KIAA1549L: variants seen among roughly 807,000 people sequenced by gnomAD.
The protein encoded by KIAA1549L is KIAA1549 like, also known as UPF0606 protein KIAA1549L.
KIAA1549L carries 88 observed loss-of-function variants against 160.7 expected under a neutral mutation model. The ratio of observed to expected loss-of-function variants is 0.55; its 90% CI spans 0.46 to 0.65. The LOEUF (loss-of-function observed/expected upper bound fraction) is 0.65, where lower values mean the gene tolerates loss of function less well. KIAA1549L is among the 30% of genes least tolerant of loss of function. The probability of loss-of-function intolerance (pLI) is 0.00; values close to 1 mark genes in which losing one functional copy is unlikely to be tolerated. For missense variants in KIAA1549L, 2,258 were observed against 2,437.5 expected, an observed-to-expected ratio of 0.93 and a Z score of 1.55; for synonymous variants, 950 against 976.7, an observed-to-expected ratio of 0.97 and a Z score of 0.51.
In KIAA1549L at chr11:33,543,568, G is replaced by T. The variant is rs377701052; in HGVS notation, c.2005G>T (p.Val669Leu). 3.0e-5 allele frequency: 48 copies of T among 1,613,892 alleles called. No homozygotes were observed. Among genetic ancestry groups the T allele is most frequent in the Admixed American group, 6.7e-5 (4 of 60,008 alleles). ...SGLPASASKQ[V>L]RASPSSMDVY... ...GTTGCCAGCTTCAGCTTCCAAACAG[G>T]TGAGAGCATCGCCCTCCTCCATGGA... Residue 669 changes from valine to leucine, a missense_variant, in exon 2 of 21, where the codon GTG (valine) becomes TTG (leucine). Physicochemically the swap from Val to Leu is conservative, Grantham distance 32 (BLOSUM62 1). Around this residue, in one of 6 missense-constraint regions of KIAA1549L, gnomAD observed 287 missense variants for 292.3 expected, o/e 0.98. Coordinates refer to ENST00000658780, the MANE Select transcript of KIAA1549L (RefSeq NM_012194.3).
chr11:33,589,882 A>G (rs908360786), intron 11 of KIAA1549L, among the ~76,000 whole-genome samples: 3 of 152,206 alleles, frequency 2.0e-5, no homozygotes, highest in Non-Finnish European at 4.4e-5. Flanking sequence ...TGTTTTGCAC[A>G]TGTACCCTAA....
intron 1 of KIAA1549L, among the ~76,000 whole-genome samples, chr11:33,535,580 G>A (rs1309817191): frequency 6.6e-6 from 1 of 152,112 alleles, no homozygotes; most frequent in Non-Finnish European, 1.5e-5. Flanking sequence ...GCTGAGCTGA[G>A]AGGAACCCTT....
intron 1 of KIAA1549L, among the ~76,000 whole-genome samples, chr11:33,495,994 G>T (rs1350052927): frequency 6.6e-6 from 1 of 152,096 alleles, no homozygotes; most frequent in Non-Finnish European, 1.5e-5. Flanking sequence ...ATGGAGTCTT[G>T]CTCTGTCGCC....
chr11:33,413,458 A>G (rs1397324845), intron 1 of KIAA1549L, among the ~76,000 whole-genome samples: 1 of 150,712 alleles, frequency 6.6e-6, no homozygotes, highest in Non-Finnish European at 1.5e-5. Flanking sequence ...AAAAAAAGCA[A>G]TACGTCTTAA....
chr11:33,572,712 A>G (rs1458180022), intron 9 of KIAA1549L, among the ~76,000 whole-genome samples: 4 of 152,214 alleles, frequency 2.6e-5, no homozygotes, highest in African/African-American at 4.8e-5. Context: ...TTCTGTTGGT[A>G]TACACCTGGG....
intron 13 of KIAA1549L, among the ~76,000 whole-genome samples, chr11:33,600,547 C>T (rs1000096514): frequency 3.3e-5 from 5 of 150,776 alleles, no homozygotes; most frequent in Admixed American, 2.0e-4. Context: ...CCCTCCCCTC[C>T]CCCTCCTTCC....
At chr11:33,417,118 A>G (rs921994827) in intron 1 of KIAA1549L, among the ~76,000 whole-genome samples, 1 of 152,262 alleles carries the variant, frequency 6.6e-6, no homozygotes, top group African/African-American at 2.4e-5. Flanking sequence ...CAACTGAGAA[A>G]TTAAATTTTA....
intron 16 of KIAA1549L, among the ~76,000 whole-genome samples, chr11:33,645,422 G>A (rs979606819): frequency 6.6e-6 from 1 of 152,244 alleles, no homozygotes; most frequent in East Asian, 1.9e-4. Flanking sequence ...TCTCGAGTCT[G>A]TTACACTAAC....
chr11:33,543,434 C>A lies in KIAA1549L; in HGVS notation c.1871C>A (p.Pro624Gln), dbSNP rs755125693. ...APRTNPLPSG[P>Q]PLPSILSIQA... ...AGGACGAATCCCCTTCCTTCAGGAC[C>A]ACCTCTACCTTCCATACTCTCCATA... Residue 624 changes from proline (P) to glutamine (Q), a missense_variant, in exon 2 of 21, where the codon CCA (proline) becomes CAA (glutamine). Around this residue, in one of 6 missense-constraint regions of KIAA1549L, gnomAD observed 20 missense variants for 23.2 expected, o/e 0.86. Coordinates refer to ENST00000658780, the MANE Select transcript of KIAA1549L (RefSeq NM_012194.3). 1 of 1,614,024 alleles carries A rather than the reference C, an allele frequency of 6.2e-7. No homozygotes were observed. The highest frequency in any genetic ancestry group is 2.2e-5 in the East Asian group (1 of 44,890).
chr11:33,578,243 G>A (rs932355270), intron 10 of KIAA1549L, among the ~76,000 whole-genome samples: 9 of 152,134 alleles, frequency 5.9e-5, no homozygotes, highest in South Asian at 2.1e-4. Context: ...GAGGCTTTTC[G>A]GAGTGAGAGT....
chr11:33,597,227 C>T (rs568624909), intron 12 of KIAA1549L, among the ~76,000 whole-genome samples: 62 of 152,302 alleles, frequency 4.1e-4, no homozygotes, highest in Non-Finnish European at 7.4e-4. Context: ...GGAACTTTGG[C>T]GAGGAATGTC....
intron 1 of KIAA1549L, among the ~76,000 whole-genome samples, chr11:33,418,357 C>T (rs1353556984): frequency 6.6e-6 from 1 of 152,126 alleles, no homozygotes; most frequent in Non-Finnish European, 1.5e-5. Context: ...TCTCTGGAGA[C>T]ATTGAATTAA....
At chr11:33,608,678 T>C (rs1050554024) in intron 14 of KIAA1549L, among the ~76,000 whole-genome samples, 1 of 152,178 alleles carries the variant, frequency 6.6e-6, no homozygotes, top group Admixed American at 6.5e-5. Flanking sequence ...CACCCCCTTT[T>C]CCTCCCAGGC....
At chr11:33,663,774 T>A (rs542123565) in intron 20 of KIAA1549L, among the ~76,000 whole-genome samples, 1 of 152,278 alleles carries the variant, frequency 6.6e-6, no homozygotes, top group South Asian at 2.1e-4. Context: ...TTCTGAGCAC[T>A]GGTGTACAGC....
chr11:33,618,812 C>A, intron 16 of KIAA1549L, 150 bp downstream of exon 16: 1 of 682,688 alleles, frequency 1.5e-6, no homozygotes, highest in Non-Finnish European at 2.3e-6. Flanking sequence ...ACCTATTTTG[C>A]AAAGTAGGAC....
At chr11:33,513,377 A>G (rs967623637) in intron 1 of KIAA1549L, among the ~76,000 whole-genome samples, 7 of 152,060 alleles carry the variant, frequency 4.6e-5, no homozygotes, top group African/African-American at 9.7e-5. Context: ...TCTGGTTGCT[A>G]GTGACACTCA....
At chr11:33,435,790 A>ATGTGTGTG (rs1210337486) in intron 1 of KIAA1549L, among the ~76,000 whole-genome samples, 1 of 26,088 alleles carries the variant, frequency 3.8e-5, no homozygotes, top group African/African-American at 1.3e-4. Context: ...ATATATATAT[A>ATGTGTGTG]TATATATATA....
chr11:33,499,521 A>G (rs372534133), intron 1 of KIAA1549L, among the ~76,000 whole-genome samples: 1 of 152,208 alleles, frequency 6.6e-6, no homozygotes, highest in East Asian at 1.9e-4. Flanking sequence ...TAGGTGTTCA[A>G]TATTAGTTGT....
intron 1 of KIAA1549L, among the ~76,000 whole-genome samples, chr11:33,506,270 T>C (rs1459450875): frequency 6.6e-6 from 1 of 152,240 alleles, no homozygotes; most frequent in Non-Finnish European, 1.5e-5. Flanking sequence ...CCCAGTTTCC[T>C]GAGTATTGTC....
Sources: gnomAD v4.1 joint callset for allele counts (sites outside exome capture counted in the v4.1 genomes callset) on GRCh38, gnomAD v4.1.1 for gene constraint, gnomAD v4.1.1 regional missense constraint, MANE v1.5 for transcripts, NCBI Gene and HGNC (gene_info 2026-07-23, HGNC 2026-07-21) for gene names.